ZNF578: variants seen among roughly 807,000 people sequenced by gnomAD.
ZNF578 encodes the protein Putative chemokine-related protein B42.
In ZNF578, 8 loss-of-function variants were observed where a neutral mutation model predicts 8.3. That is an observed-to-expected ratio of 0.96 (90% CI 0.56 to 1.74). ZNF578 has a LOEUF of 1.74. Ranked by LOEUF, ZNF578 falls within the 40% of genes most tolerant of loss-of-function variation. The pLI, the probability that ZNF578 is intolerant of heterozygous loss-of-function variation, is 0.00. For missense variants in ZNF578, 726 were observed against 707.5 expected (o/e 1.03, Z -0.30); for synonymous variants, 206 against 232.2 (o/e 0.89, Z 1.03).
intron 2 of ZNF578, among the ~76,000 whole-genome samples, chr19:52,472,571 T>G (rs551737604): frequency 1.5e-4 from 23 of 152,350 alleles, no homozygotes; most frequent in African/African-American, 5.5e-4. Context: ...ATGATTTCTA[T>G]GGCATAATCA....
At chr19:52,493,636 T>G (rs1468816040) in intron 3 of ZNF578, among the ~76,000 whole-genome samples, 1 of 151,636 alleles carries the variant, frequency 6.6e-6, no homozygotes, top group Non-Finnish European at 1.5e-5. Context: ...GACGCAGAGA[T>G]AAGAGGCGGT....
At chr19:52,492,633 C>G (rs2059369749) in intron 3 of ZNF578, among the ~76,000 whole-genome samples, 1 of 152,224 alleles carries the variant, frequency 6.6e-6, no homozygotes, top group South Asian at 2.1e-4. Context: ...GCTCTCCCCT[C>G]CAAACACCCA....
At chr19:52,498,627 C>G (rs2059395682) in intron 3 of ZNF578, among the ~76,000 whole-genome samples, 3 of 151,236 alleles carry the variant, frequency 2.0e-5, no homozygotes. Context: ...TTGTGATTTG[C>G]CCACTTTGGC....
chr19:52,486,736 G>A (rs569234149), intron 2 of ZNF578, among the ~76,000 whole-genome samples: 7 of 151,316 alleles, frequency 4.6e-5, no homozygotes, highest in Admixed American at 1.3e-4. Context: ...TATCAGGGAA[G>A]AGAGAATTTA....
At chr19:52,482,042 C>CT (rs879276570) in intron 2 of ZNF578, among the ~76,000 whole-genome samples, 59 of 151,476 alleles carry the variant, frequency 3.9e-4, no homozygotes, top group Non-Finnish European at 6.6e-4. Flanking sequence ...CTACATAGAA[C>CT]TTTTTTTTGA....
intron 3 of ZNF578, among the ~76,000 whole-genome samples, chr19:52,494,906 A>C (rs2059380325): frequency 6.6e-6 from 1 of 152,174 alleles, no homozygotes; most frequent in African/African-American, 2.4e-5. Context: ...ATCTACTCTA[A>C]CTGAAGCCTC....
chr19:52,493,782 C>T (rs1210545073), intron 3 of ZNF578, among the ~76,000 whole-genome samples: 1 of 151,006 alleles, frequency 6.6e-6, no homozygotes, highest in African/African-American at 2.4e-5. Flanking sequence ...CCTGAGGTCC[C>T]GAGTTCGAGA....
chr19:52,469,092 A>G (rs1347181762), intron 2 of ZNF578, among the ~76,000 whole-genome samples: 1 of 151,212 alleles, frequency 6.6e-6, no homozygotes, highest in Non-Finnish European at 1.5e-5. Context: ...TTATATATAC[A>G]TGTATCCCAT....
At chr19:52,481,837 C>T (rs1299441313) in intron 2 of ZNF578, among the ~76,000 whole-genome samples, 2 of 151,696 alleles carry the variant, frequency 1.3e-5, no homozygotes, top group Non-Finnish European at 2.9e-5. Context: ...CTCAAGCAAT[C>T]CTCCTACTTC....
chr19:52,474,421 A>G (rs899197301), intron 2 of ZNF578: 52 of 292,608 alleles, frequency 1.8e-4, no homozygotes, highest in African/African-American at 6.7e-5. Context: ...TCTCTCCAGT[A>G]AGAAATAACT....
intron 2 of ZNF578, among the ~76,000 whole-genome samples, chr19:52,475,441 C>T (rs2059305342): frequency 6.6e-6 from 1 of 151,490 alleles, no homozygotes; most frequent in South Asian, 2.1e-4. Flanking sequence ...ACTGCAACCT[C>T]CACCTCCTGG....
intron 5 of ZNF578, among the ~76,000 whole-genome samples, chr19:52,505,545 C>G (rs1296149837): frequency 6.6e-6 from 1 of 151,968 alleles, no homozygotes; most frequent in Non-Finnish European, 1.5e-5. Flanking sequence ...CCTCAGCCTC[C>G]TGAGTAGCTG....
Position 52,489,188 on chromosome 19 carries a change from T to G in ZNF578, c.-121-2136T>G, listed in dbSNP as rs543826774. The stretch of plus-strand genomic sequence containing the variant: ...GGAGGCTGAGGCAGGAGAATCTCTT[T>G]AGGCAGGAGAATCATGCCACAATAG... On this transcript the variant is annotated intron_variant, in intron 2 of 5. Coordinates refer to ENST00000421239, the MANE Select transcript of ZNF578 (RefSeq NM_001099694.2). Among the ~76,000 whole-genome samples the G allele has an allele frequency of 4.4e-5, 4 of 90,948 alleles. No individual in the cohort carries two copies. The South Asian group carries it at 9.7e-4, about 22-fold the overall frequency. The allele number at this position is 90,948 out of a possible 152,430, so 59.7% of individuals were successfully genotyped here.
chr19:52,465,846 C>T (rs2059273239), intron 2 of ZNF578, among the ~76,000 whole-genome samples: 1 of 152,210 alleles, frequency 6.6e-6, no homozygotes, highest in Non-Finnish European at 1.5e-5. Flanking sequence ...CAGGAGTCCT[C>T]CATCCGTCGG....
At chr19:52,501,798 C>T (rs760549420) in intron 3 of ZNF578, 29 bp from the exon 4 acceptor site, 6 of 1,608,240 alleles carry the variant, frequency 3.7e-6, no homozygotes, top group Admixed American at 1.7e-5. Flanking sequence ...CATATCTAAC[C>T]TGAAGTCTTA....
chr19:52,483,339 C>T (rs539114761), intron 2 of ZNF578, among the ~76,000 whole-genome samples: 6 of 152,244 alleles, frequency 3.9e-5, no homozygotes, highest in East Asian at 3.9e-4. Context: ...TGCTTGAACC[C>T]GGGAAGCAAA....
At chr19:52,483,824 C>A (rs1599895914) in intron 2 of ZNF578, among the ~76,000 whole-genome samples, 1 of 152,186 alleles carries the variant, frequency 6.6e-6, no homozygotes, top group South Asian at 2.1e-4. Context: ...GCTTTTAATG[C>A]TGTGTATTCA....
At chr19:52,479,134 G>A (rs1387175926) in intron 2 of ZNF578, among the ~76,000 whole-genome samples, 2 of 124,314 alleles carry the variant, frequency 1.6e-5, no homozygotes, top group East Asian at 8.6e-4. Context: ...GTTAATGTCT[G>A]ACAACTAACC....
At chr19:52,489,311 C>A (rs1309301795) in intron 2 of ZNF578, among the ~76,000 whole-genome samples, 10 of 152,100 alleles carry the variant, frequency 6.6e-5, no homozygotes. Context: ...TAGTCCTGGC[C>A]ATGTGCTGTG....
Sources: allele counts gnomAD v4.1 joint callset (sites outside exome capture counted in the v4.1 genomes callset), GRCh38; gene constraint gnomAD v4.1.1; transcripts MANE v1.5; gene names NCBI Gene and HGNC (gene_info 2026-07-23, HGNC 2026-07-21).